LRMDA: variants seen among roughly 807,000 people sequenced by gnomAD.
LRMDA encodes the protein leucine-rich melanocyte differentiation-associated protein.
In LRMDA, 18 loss-of-function variants were observed where a neutral mutation model predicts 29.8. That is an observed-to-expected ratio of 0.60 (90% CI 0.42 to 0.90). The LOEUF (loss-of-function observed/expected upper bound fraction) is 0.90, where lower values mean the gene tolerates loss of function less well. Among genes scored for constraint, LRMDA ranks in the 40% least tolerant of loss-of-function variants. The pLI is 0.00. For missense variants in LRMDA, 273 were observed against 273.9 expected (o/e 1.00, Z 0.02); for synonymous variants, 125 against 109.4 (o/e 1.14, Z -0.89).
chr10:75,894,613 G>A (rs1845552356), intron 2 of LRMDA, among the ~76,000 whole-genome samples: 1 of 152,200 alleles, frequency 6.6e-6, no homozygotes, highest in Admixed American at 6.5e-5. Flanking sequence ...AAGAACCACT[G>A]CTTTGGAAGG....
chr10:76,156,573 A>T (rs1177545762), intron 5 of LRMDA, among the ~76,000 whole-genome samples: 1 of 151,764 alleles, frequency 6.6e-6, no homozygotes, highest in African/African-American at 2.4e-5. Flanking sequence ...GAAAAAAAAA[A>T]TATGGGCTTA....
chr10:76,274,733 A>G (rs1840110099), intron 5 of LRMDA, among the ~76,000 whole-genome samples: 3 of 152,178 alleles, frequency 2.0e-5, no homozygotes, highest in Admixed American at 6.5e-5. Flanking sequence ...TGGTAGAAAA[A>G]GAGAGTATAT....
chr10:76,443,625 G>A (rs908371739), intron 6 of LRMDA, among the ~76,000 whole-genome samples: 2 of 152,146 alleles, frequency 1.3e-5, no homozygotes, highest in African/African-American at 2.4e-5. Context: ...AGAGTTTAAA[G>A]TGCTTTATCC....
chr10:76,332,723 A>G (rs1265660477), intron 6 of LRMDA, among the ~76,000 whole-genome samples: 1 of 152,216 alleles, frequency 6.6e-6, no homozygotes, highest in Non-Finnish European at 1.5e-5. Flanking sequence ...TTTTATAAAG[A>G]AAAAAGTATG....
chr10:75,670,683 G>A (rs7081732), intron 2 of LRMDA, among the ~76,000 whole-genome samples: 16,545 of 152,100 alleles, frequency 0.11, 2,069 homozygotes, highest in East Asian at 0.33. Flanking sequence ...TCTCCTTCCC[G>A]TTTGTCTTAG....
intron 2 of LRMDA, among the ~76,000 whole-genome samples, chr10:75,664,116 A>G (rs1219056254): frequency 6.6e-6 from 1 of 152,130 alleles, no homozygotes; most frequent in Non-Finnish European, 1.5e-5. Flanking sequence ...TAGAAAATGT[A>G]GCTGTTTTTA....
rs1326682497 is a variant in LRMDA, at chr10:75,559,819, G to T, written c.131+121325G>T. Reference sequence around the variant, plus strand: ...TTTCCCCATTTCTTGTTTTTGTCAGGTTTGTCAAAGATCACATGGTTGTAG... The same window carrying T: ...TTTCCCCATTTCTTGTTTTTGTCAGTTTTGTCAAAGATCACATGGTTGTAG... On this transcript the variant is annotated intron_variant, in intron 2 of 6. Transcript: ENST00000611255. 2.4e-5 allele frequency among the ~76,000 whole-genome samples: 2 copies of T among 83,582 alleles called. 1 individual carries two copies. Among genetic ancestry groups the T allele is most frequent in the Non-Finnish European group, 6.6e-5 (2 of 30,344 alleles). 54.8% of individuals were successfully genotyped at this position (83,582 alleles called of 152,430 possible). A position where few individuals can be genotyped will look rare whatever the true frequency, so the allele number is the denominator to read the frequency against.
chr10:76,376,975 A>T lies in LRMDA; in HGVS notation c.601+52490A>T, dbSNP rs181863840. 3.4e-3 allele frequency among the ~76,000 whole-genome samples: 457 copies of T among 132,522 alleles called. 3 individuals carry two copies. Among genetic ancestry groups the T allele is most frequent in the African/African-American group, 0.012 (427 of 35,170 alleles). The allele number at this position is 132,522 out of a possible 152,430, so 86.9% of individuals were successfully genotyped here. ...ATCTCCGCTCACTGGAAGCTCCACC[A>T]CCTGGGTTCACACCATTCTCCTGCC... On this transcript the variant is annotated intron_variant, in intron 6 of 6. Transcript: ENST00000611255.
intron 2 of LRMDA, among the ~76,000 whole-genome samples, chr10:75,563,672 TG>T (rs1297403584): frequency 6.6e-6 from 1 of 152,112 alleles, no homozygotes; most frequent in Non-Finnish European, 1.5e-5. Flanking sequence ...TATCTACTTT[TG>T]GTCTTTGATG....
intron 2 of LRMDA, among the ~76,000 whole-genome samples, chr10:75,865,914 G>A (rs1379335957): frequency 6.6e-6 from 1 of 152,210 alleles, no homozygotes; most frequent in Non-Finnish European, 1.5e-5. Flanking sequence ...GTCCTAAAGA[G>A]CTTCCCTCAG....
At chr10:75,898,111 A>C (rs1245966668) in intron 2 of LRMDA, among the ~76,000 whole-genome samples, 4 of 152,184 alleles carry the variant, frequency 2.6e-5, no homozygotes, top group Non-Finnish European at 4.4e-5. Flanking sequence ...GGCGTGAGCC[A>C]CTGCGCCTGG....
chr10:76,297,425 C>G (rs1171582148), intron 5 of LRMDA, among the ~76,000 whole-genome samples: 1 of 152,150 alleles, frequency 6.6e-6, no homozygotes, highest in African/African-American at 2.4e-5. Context: ...ATACTGACTG[C>G]CCTGTGGATT....
chr10:75,552,567 T>A, intron 2 of LRMDA: 1 of 478,706 alleles, frequency 2.1e-6, no homozygotes, highest in Admixed American at 2.2e-5. Context: ...CTACCCCTCA[T>A]CCCCTACTTG....
intron 6 of LRMDA, among the ~76,000 whole-genome samples, chr10:76,504,675 T>C (rs906714018): frequency 1.3e-5 from 2 of 152,056 alleles, no homozygotes; most frequent in Non-Finnish European, 2.9e-5. Flanking sequence ...ATCCTGCTAC[T>C]TTTAGCCTGT....
chr10:76,392,255 G>A (rs1841731326), intron 6 of LRMDA, among the ~76,000 whole-genome samples: 2 of 152,006 alleles, frequency 1.3e-5, no homozygotes, highest in Admixed American at 1.3e-4. Context: ...AGAGTTGGAA[G>A]GCTTGTAGGT....
At chr10:75,913,442 C>A (rs962274794) in intron 2 of LRMDA, among the ~76,000 whole-genome samples, 2 of 151,782 alleles carry the variant, frequency 1.3e-5, no homozygotes, top group African/African-American at 2.4e-5. Context: ...GACGACACAG[C>A]GAGACTCCGT....
At chr10:76,282,344 G>A (rs980459827) in intron 5 of LRMDA, among the ~76,000 whole-genome samples, 2 of 152,160 alleles carry the variant, frequency 1.3e-5, no homozygotes, top group Admixed American at 6.5e-5. Flanking sequence ...CGAAATAGAT[G>A]CCGACTGTAG....
At chr10:75,572,007 G>A (rs113678902) in intron 2 of LRMDA, among the ~76,000 whole-genome samples, 2,632 of 152,252 alleles carry the variant, frequency 0.017, 81 homozygotes, top group African/African-American at 0.06. Context: ...AGGCTGGAGT[G>A]CAGTGGCACA....
chr10:76,437,164 A>G (rs1392612798), intron 6 of LRMDA, among the ~76,000 whole-genome samples: 1 of 152,180 alleles, frequency 6.6e-6, no homozygotes, highest in East Asian at 1.9e-4. Flanking sequence ...AATAGAAGGA[A>G]CTTGAGTTTA....
Sources: allele counts gnomAD v4.1 joint callset (sites outside exome capture counted in the v4.1 genomes callset), GRCh38; gene constraint gnomAD v4.1.1; transcripts MANE v1.5; gene names NCBI Gene and HGNC (gene_info 2026-07-23, HGNC 2026-07-21).